The following CACNA1C variants were observed in gnomAD, a reference collection of about 807,000 sequenced individuals.
CACNA1C encodes voltage-dependent L-type calcium channel subunit alpha-1C.
Under a neutral mutation model 229.0 loss-of-function variants are expected in CACNA1C, and 30 were observed. The observed-to-expected ratio is 0.13, with a 90% confidence interval of 0.10 to 0.18. The LOEUF (loss-of-function observed/expected upper bound fraction) is 0.18, where lower values mean the gene tolerates loss of function less well. CACNA1C is among the 10% of genes least tolerant of loss of function. The pLI, the probability that CACNA1C is intolerant of heterozygous loss-of-function variation, is 1.00. For synonymous variants in CACNA1C, 1,114 were observed against 1,132.5 expected, an observed-to-expected ratio of 0.98 and a Z score of 0.33; for missense variants, 1,658 against 2,845.0, an observed-to-expected ratio of 0.58 and a Z score of 9.49.
chr12:2,290,644 G>A (rs540896475), intron 3 of CACNA1C, among the ~76,000 whole-genome samples: 5 of 152,326 alleles, frequency 3.3e-5, no homozygotes, highest in African/African-American at 1.2e-4. Flanking sequence ...GAGCCGAGGA[G>A]CTTGTACCTG....
chr12:2,192,403 T>C (rs976070277), intron 3 of CACNA1C, among the ~76,000 whole-genome samples: 13 of 151,990 alleles, frequency 8.6e-5, no homozygotes, highest in Non-Finnish European at 1.6e-4. Flanking sequence ...CTCCAAGCCT[T>C]CTTCTGCGCG....
intron 1 of CACNA1C, among the ~76,000 whole-genome samples, chr12:1,999,356 A>G (rs1170238171): frequency 6.6e-6 from 1 of 152,238 alleles, no homozygotes; most frequent in Non-Finnish European, 1.5e-5. Context: ...ATAAAAAATC[A>G]TTACCTAGTA....
At chr12:2,457,402 T>C (rs1253914999) in intron 4 of CACNA1C, among the ~76,000 whole-genome samples, 165 bp from the exon 5 acceptor site, 2 of 152,180 alleles carry the variant, frequency 1.3e-5, no homozygotes, top group Non-Finnish European at 2.9e-5. Context: ...TGAGGGGATG[T>C]CAGCTTACAA....
At chr12:2,509,295 G>A (rs370969981) in intron 8 of CACNA1C, among the ~76,000 whole-genome samples, 3 of 152,038 alleles carry the variant, frequency 2.0e-5, no homozygotes, top group African/African-American at 7.2e-5. Flanking sequence ...AGAAGAGATG[G>A]CCCAACATAC....
chr12:2,298,446 G>A lies in CACNA1C; in HGVS notation c.478-150530G>A, dbSNP rs764471389. Among the ~76,000 whole-genome samples, 9 of 152,116 alleles carry A rather than the reference G, an allele frequency of 5.9e-5. No homozygotes were observed. In the East Asian group the frequency reaches 1.2e-3, roughly 20 times the overall value. On this transcript the variant is annotated intron_variant, in intron 3 of 46. Coordinates refer to ENST00000399655, the MANE Select transcript of CACNA1C (RefSeq NM_000719.7). ...CCCAAGTAGCTGGGATTACAGGCAC[G>A]CACCACCACACTCAGCTAATTTTTG...
intron 38 of CACNA1C, among the ~76,000 whole-genome samples, chr12:2,669,836 G>A (rs1442831391): frequency 6.6e-6 from 1 of 152,196 alleles, no homozygotes; most frequent in Non-Finnish European, 1.5e-5. Context: ...GCGTCCACCT[G>A]GAGGGGCCCT....
At chr12:2,155,850 G>T (rs566852582) in intron 3 of CACNA1C, among the ~76,000 whole-genome samples, 106 of 152,324 alleles carry the variant, frequency 7.0e-4, no homozygotes, top group South Asian at 2.9e-3. Context: ...GTGCTTGAGA[G>T]AAATATTTTT....
At chr12:2,289,934 T>G (rs1271686662) in intron 3 of CACNA1C, among the ~76,000 whole-genome samples, 4 of 152,236 alleles carry the variant, frequency 2.6e-5, no homozygotes, top group African/African-American at 9.6e-5. Flanking sequence ...CTAATTCTTC[T>G]GCTTTACACA....
intron 3 of CACNA1C, among the ~76,000 whole-genome samples, chr12:2,408,674 T>TAGG (rs2098767255): frequency 6.6e-6 from 1 of 152,192 alleles, no homozygotes; most frequent in African/African-American, 2.4e-5. Context: ...TTGCACTTAG[T>TAGG]AGGGAAAGAT....
intron 2 of CACNA1C, among the ~76,000 whole-genome samples, chr12:2,117,390 C>T (rs941919982): frequency 3.9e-5 from 6 of 152,260 alleles, no homozygotes; most frequent in African/African-American, 7.2e-5. Flanking sequence ...TTTTAGTGCC[C>T]GGGGTACTGG....
At chr12:2,107,552 C>G (rs1344190233) in intron 1 of CACNA1C, among the ~76,000 whole-genome samples, 2 of 152,222 alleles carry the variant, frequency 1.3e-5, no homozygotes, top group Non-Finnish European at 2.9e-5. Context: ...GCTGGGGTGT[C>G]CTGAGGATTT....
At chr12:2,241,571 A>G (rs1471574452) in intron 3 of CACNA1C, among the ~76,000 whole-genome samples, 1 of 152,138 alleles carries the variant, frequency 6.6e-6, no homozygotes, top group Non-Finnish European at 1.5e-5. Flanking sequence ...TCTTCCGAAG[A>G]CAGATGGGGC....
chr12:2,090,310 CTTTTTTTTTTTT>C (rs145675982), intron 1 of CACNA1C, among the ~76,000 whole-genome samples: 22 of 69,200 alleles, frequency 3.2e-4, no homozygotes, highest in African/African-American at 1.1e-3. Flanking sequence ...GGATAGACTA[CTTTTTTTTTTTT>C]TTTTTTTTTT....
chr12:2,571,902 T>A (rs1445491229), intron 13 of CACNA1C, among the ~76,000 whole-genome samples: 4 of 152,242 alleles, frequency 2.6e-5, no homozygotes, highest in African/African-American at 4.8e-5. Flanking sequence ...TTGTGGTCCC[T>A]TCAGCTGAAC....
At chr12:2,414,755 A>G (rs1168519076) in intron 3 of CACNA1C, among the ~76,000 whole-genome samples, 1 of 152,050 alleles carries the variant, frequency 6.6e-6, no homozygotes, top group Admixed American at 6.6e-5. Flanking sequence ...AGTGTTTCCC[A>G]AGTTTTTTGT....
rs111944903 is a variant in CACNA1C, at chr12:2,179,896, T to C, written c.477+59466T>C. On this transcript the variant is annotated intron_variant, in intron 3 of 46. Coordinates refer to ENST00000399655, the MANE Select transcript of CACNA1C (RefSeq NM_000719.7). ...GATTGATCTCCCAAGAATCAGCTTCTACCATGCTCTTTCTCTGCTTCAAAT... is the reference window on the plus strand; with the variant it reads ...GATTGATCTCCCAAGAATCAGCTTCCACCATGCTCTTTCTCTGCTTCAAAT... 2.0e-4 allele frequency among the ~76,000 whole-genome samples: 30 copies of C among 152,358 alleles called. 1 individual carries two copies. Among genetic ancestry groups the C allele is most frequent in the African/African-American group, 6.0e-4 (25 of 41,588 alleles).
chr12:2,584,659 C>A lies in CACNA1C; in HGVS notation c.2339+42C>A, dbSNP rs376808039. ...GCCCAGGCCTGGGGCTCCAGGGCTC[C>A]CATTGTGGAATGTCTTCCCACTGGT... On this transcript the variant is annotated intron_variant, in intron 16 of 46. Coordinates refer to ENST00000399655, the MANE Select transcript of CACNA1C (RefSeq NM_000719.7). The A allele has an allele frequency of 8.4e-6, 11 of 1,313,054 alleles. No homozygotes were observed. The African/African-American group carries it at 1.5e-4, about 17-fold the overall frequency. 81.3% of individuals were successfully genotyped at this position (1,313,054 alleles called of 1,614,324 possible).
chr12:2,192,355 G>A (rs2097264567), intron 3 of CACNA1C, among the ~76,000 whole-genome samples: 1 of 152,260 alleles, frequency 6.6e-6, no homozygotes, highest in African/African-American at 2.4e-5. Context: ...GTTATACAGA[G>A]CAGTTCAGCC....
At chr12:2,357,896 A>T (rs1593985354) in intron 3 of CACNA1C, among the ~76,000 whole-genome samples, 1 of 149,764 alleles carries the variant, frequency 6.7e-6, no homozygotes, top group African/African-American at 2.5e-5. Context: ...GCTTGAACCC[A>T]GGAGGTGGAG....
Sources: allele counts gnomAD v4.1 joint callset (sites outside exome capture counted in the v4.1 genomes callset), GRCh38; gene constraint gnomAD v4.1.1; transcripts MANE v1.5; gene names NCBI Gene and HGNC (gene_info 2026-07-23, HGNC 2026-07-21).